Variants in SPIDR observed in about 807,000 individuals in gnomAD.
SPIDR encodes the protein DNA repair-scaffolding protein.
In SPIDR, 93 loss-of-function variants were observed where a neutral mutation model predicts 104.6. The ratio of observed to expected loss-of-function variants is 0.89; its 90% CI spans 0.75 to 1.06. The LOEUF is 1.06. Among genes scored for constraint, SPIDR ranks in the 50% least tolerant of loss-of-function variants. The probability of loss-of-function intolerance (pLI) is 0.00; values close to 1 mark genes in which losing one functional copy is unlikely to be tolerated. For synonymous variants in SPIDR, 431 were observed against 416.9 expected (o/e 1.03, Z -0.41); for missense variants, 1,154 against 1,111.2 (o/e 1.04, Z -0.55).
At chr8:47,446,437 A>T (rs528529780) in intron 8 of SPIDR, among the ~76,000 whole-genome samples, 7 of 152,142 alleles carry the variant, frequency 4.6e-5, no homozygotes, top group Non-Finnish European at 7.3e-5. Flanking sequence ...TTGACAATGC[A>T]CCTAGTCAGC....
chr8:47,328,028 T>G (rs1476691540), intron 5 of SPIDR, among the ~76,000 whole-genome samples: 1 of 151,862 alleles, frequency 6.6e-6, no homozygotes, highest in Admixed American at 6.6e-5. Context: ...TTTTTTCACT[T>G]TTTTGACAAT....
At chr8:47,551,830 T>A (rs763950425) in intron 8 of SPIDR, among the ~76,000 whole-genome samples, 1 of 152,196 alleles carries the variant, frequency 6.6e-6, no homozygotes, top group African/African-American at 2.4e-5. Flanking sequence ...ATTTTTTTGC[T>A]CTTGCTTCTC....
At chr8:47,361,073 A>AC in intron 5 of SPIDR, 1 of 772,226 alleles carries the variant, frequency 1.3e-6, no homozygotes, top group Non-Finnish European at 1.6e-6. Flanking sequence ...TTACATGACC[A>AC]CAGTTACTTA....
At chr8:47,327,188 T>G (rs2047799581) in intron 5 of SPIDR, among the ~76,000 whole-genome samples, 1 of 152,190 alleles carries the variant, frequency 6.6e-6, no homozygotes, top group South Asian at 2.1e-4. Context: ...TGCAATTCTC[T>G]AATAGCTAAT....
intron 7 of SPIDR, among the ~76,000 whole-genome samples, chr8:47,433,170 C>G (rs117084697): frequency 0.029 from 4,412 of 152,220 alleles, 89 homozygotes; most frequent in South Asian, 0.047. Context: ...TTAACAAGTT[C>G]TATTGGCTCT....
chr8:47,565,996 T>A (rs866044311), intron 8 of SPIDR, among the ~76,000 whole-genome samples: 120 of 44,900 alleles, frequency 2.7e-3, no homozygotes, highest in East Asian at 7.1e-3. Context: ...ATATATATTT[T>A]TTTTTTTTTT....
rs564914619 is a variant in SPIDR at position 47,477,841 on chromosome 8, A to G, written c.1097+37299A>G. ...AGTAGACAGTTGCCACACAGGGTGC[A>G]GGGGGAGCCTGCCAGGGCTCAGAGG... is the stretch of plus-strand genomic sequence containing the variant. On this transcript the variant is annotated intron_variant, in intron 8 of 19. Coordinates refer to ENST00000297423, the MANE Select transcript of SPIDR (RefSeq NM_001080394.4). 1.1e-4 allele frequency among the ~76,000 whole-genome samples: 17 copies of G among 152,296 alleles called. No individual in the cohort carries two copies. In the East Asian group the frequency reaches 3.1e-3, roughly 28 times the overall value.
At chr8:47,405,827 T>C (rs1264569007) in intron 6 of SPIDR, among the ~76,000 whole-genome samples, 1 of 152,206 alleles carries the variant, frequency 6.6e-6, no homozygotes, top group Non-Finnish European at 1.5e-5. Context: ...AGAAATAGGA[T>C]TGTTGATTAG....
intron 10 of SPIDR, among the ~76,000 whole-genome samples, chr8:47,644,231 C>T (rs188187144): frequency 8.5e-5 from 13 of 152,342 alleles, no homozygotes; most frequent in Admixed American, 8.5e-4. Context: ...CACTTTCTGC[C>T]TCCCCAGCCA....
intron 5 of SPIDR, among the ~76,000 whole-genome samples, chr8:47,314,143 G>A (rs2044791496): frequency 6.6e-6 from 1 of 152,200 alleles, no homozygotes. Context: ...GGTTGATGGA[G>A]CTGTGTGCTT....
chr8:47,421,805 C>T (rs1308786749), intron 7 of SPIDR, among the ~76,000 whole-genome samples: 1 of 152,152 alleles, frequency 6.6e-6, no homozygotes, highest in Non-Finnish European at 1.5e-5. Flanking sequence ...ATTTCCTTTT[C>T]TGTTTGTTAA....
At chr8:47,566,867 C>A (rs1370103883) in intron 8 of SPIDR, among the ~76,000 whole-genome samples, 6 of 152,066 alleles carry the variant, frequency 3.9e-5, no homozygotes, top group Non-Finnish European at 7.4e-5. Flanking sequence ...TGAGCCATCA[C>A]AGATATCTTA....
At chr8:47,551,566 T>G (rs895192041) in intron 8 of SPIDR, among the ~76,000 whole-genome samples, 1 of 152,208 alleles carries the variant, frequency 6.6e-6, no homozygotes, top group African/African-American at 2.4e-5. Context: ...GTAGAGGTGT[T>G]TATAGTATTC....
At chr8:47,336,123 T>TA (rs1554608982) in intron 5 of SPIDR, among the ~76,000 whole-genome samples, 1 of 152,230 alleles carries the variant, frequency 6.6e-6, no homozygotes, top group Non-Finnish European at 1.5e-5. Context: ...TTAGATACTC[T>TA]ATTTTTTTCA....
chr8:47,408,832 G>A (rs980311380), intron 7 of SPIDR, among the ~76,000 whole-genome samples: 9 of 152,068 alleles, frequency 5.9e-5, no homozygotes, highest in Admixed American at 1.3e-4. Flanking sequence ...TATTAACAAC[G>A]AGATATTTTC....
chr8:47,705,850 G>A (rs2081009258), intron 14 of SPIDR, among the ~76,000 whole-genome samples: 2 of 151,690 alleles, frequency 1.3e-5, no homozygotes, highest in South Asian at 2.1e-4. Context: ...GCAGTGAGCT[G>A]TGATTGCACC....
chr8:47,449,553 A>G (rs2154347706), intron 8 of SPIDR, among the ~76,000 whole-genome samples: 1 of 152,352 alleles, frequency 6.6e-6, no homozygotes, highest in Middle Eastern at 3.4e-3. Flanking sequence ...AGACCAAAGC[A>G]GTACTAACGA....
Position 47,706,512 on chromosome 8 carries a change from T to C in SPIDR, c.1977+4497T>C, listed in dbSNP as rs555541437. Among the ~76,000 whole-genome samples the C allele has an allele frequency of 2.6e-5, 4 of 152,328 alleles. No homozygotes were observed. The South Asian group carries it at 6.2e-4, about 24-fold the overall frequency. ...GTGTGTGTATGTGTGCGTGCACTTC[T>C]TGCAGTTTTGTCACATGTACAGCCT... is the stretch of plus-strand genomic sequence containing the variant. On this transcript the variant is annotated intron_variant, in intron 14 of 19. Coordinates refer to ENST00000297423, the MANE Select transcript of SPIDR (RefSeq NM_001080394.4).
At chr8:47,709,097 C>T (rs1179464001) in intron 14 of SPIDR, among the ~76,000 whole-genome samples, 1 of 151,854 alleles carries the variant, frequency 6.6e-6, no homozygotes, top group East Asian at 1.9e-4. Context: ...CTTAGCCTCT[C>T]GAGTAGCTGG....
Sources: allele counts gnomAD v4.1 joint callset (sites outside exome capture counted in the v4.1 genomes callset), GRCh38; gene constraint gnomAD v4.1.1; transcripts MANE v1.5; gene names NCBI Gene and HGNC (gene_info 2026-07-23, HGNC 2026-07-21).